Variants in FKBP5 observed in about 807,000 individuals in gnomAD.
FKBP5 encodes the protein peptidyl-prolyl cis-trans isomerase FKBP5.
In FKBP5, 23 loss-of-function variants were observed where a neutral mutation model predicts 50.5. The observed-to-expected ratio is 0.46, with a 90% CI of 0.33 to 0.65. The LOEUF (loss-of-function observed/expected upper bound fraction) is 0.65, where lower values mean the gene tolerates loss of function less well. Among genes scored for constraint, FKBP5 ranks in the 30% least tolerant of loss-of-function variants. FKBP5 has a pLI of 0.02. For synonymous variants in FKBP5, 176 were observed against 190.6 expected (o/e 0.92, Z 0.63); for missense variants, 411 against 553.1 (o/e 0.74, Z 2.58).
At chr6:35,716,324 G>A (rs1766511876) in intron 2 of FKBP5, among the ~76,000 whole-genome samples, 1 of 152,082 alleles carries the variant, frequency 6.6e-6, no homozygotes, top group Admixed American at 6.5e-5. Flanking sequence ...AGTGAGCTAC[G>A]ATTGTGCCAC....
upstream of FKBP5, among the ~76,000 whole-genome samples, chr6:35,692,804 A>G (rs1766013613): frequency 1.3e-5 from 2 of 151,316 alleles, no homozygotes; most frequent in Middle Eastern, 3.4e-3. Flanking sequence ...AAAAAAAAAA[A>G]AAAAGAAGAG....
intron 4 of FKBP5, among the ~76,000 whole-genome samples, chr6:35,619,622 T>C (rs1048971506): frequency 2.6e-5 from 4 of 152,212 alleles, no homozygotes; most frequent in Non-Finnish European, 5.9e-5. Flanking sequence ...CTACGACTGA[T>C]TAAAGGTGTA....
chr6:35,609,406 G>C (rs1763425560), intron 5 of FKBP5, among the ~76,000 whole-genome samples: 1 of 152,126 alleles, frequency 6.6e-6, no homozygotes, highest in African/African-American at 2.4e-5. Context: ...TTAGTGTAAT[G>C]AATAAGATTC....
At chr6:35,594,380 C>T (rs369153755) in intron 6 of FKBP5, among the ~76,000 whole-genome samples, 11 of 151,876 alleles carry the variant, frequency 7.2e-5, no homozygotes, top group Admixed American at 5.3e-4. Flanking sequence ...ACATTCTTCC[C>T]GAGAGTCTAT....
intron 1 of FKBP5, among the ~76,000 whole-genome samples, chr6:35,724,633 C>T (rs1238338435): frequency 1.3e-5 from 2 of 151,912 alleles, no homozygotes. Flanking sequence ...ATCCCAGCTA[C>T]TTGGGACGTT....
chr6:35,610,104 G>C (rs973607913), intron 5 of FKBP5, among the ~76,000 whole-genome samples: 1 of 152,076 alleles, frequency 6.6e-6, no homozygotes, highest in Non-Finnish European at 1.5e-5. Flanking sequence ...CAAAAGGATG[G>C]GCTGATTGCG....
intron 5 of FKBP5, among the ~76,000 whole-genome samples, chr6:35,604,728 A>T (rs2150968258): frequency 6.6e-6 from 1 of 151,496 alleles, no homozygotes; most frequent in South Asian, 2.1e-4. Flanking sequence ...ACTTTATCCC[A>T]TTCATATTTT....
chr6:35,575,681 G>A lies in FKBP5; in HGVS notation c.*154C>T, dbSNP rs943954270. 4.6e-6 allele frequency: 3 copies of A among 648,620 alleles called. No homozygotes were observed. The highest frequency in any genetic ancestry group is 2.5e-5 in the Admixed American group (1 of 39,678). The allele number at this position is 648,620 out of a possible 1,614,324, so 40.2% of individuals were successfully genotyped here. A position where few individuals can be genotyped will look rare whatever the true frequency, so the allele number is the denominator to read the frequency against. On this transcript the variant is annotated 3_prime_UTR_variant, in exon 11 of 11. Coordinates refer to ENST00000357266, the MANE Select transcript of FKBP5 (RefSeq NM_004117.4). ...GAACCCTCCGGGCAGCAGCAGGGGG[G>A]CTGTTTTTGGGAAGCTACTGGTTTT...
intron 1 of FKBP5, among the ~76,000 whole-genome samples, chr6:35,683,297 T>C (rs994512599): frequency 5.3e-5 from 8 of 151,630 alleles, no homozygotes; most frequent in African/African-American, 1.9e-4. Flanking sequence ...GGATCACAGA[T>C]ACAAGCTACC....
intron 2 of FKBP5, among the ~76,000 whole-genome samples, chr6:35,642,487 G>A (rs113065020): frequency 0.011 from 1,732 of 152,238 alleles, 16 homozygotes; most frequent in Non-Finnish European, 0.018. Context: ...AGGAAGCTGA[G>A]ATGGGAAGAT....
intron 1 of FKBP5, among the ~76,000 whole-genome samples, chr6:35,648,131 T>C (rs1253945407): frequency 2.6e-5 from 4 of 152,188 alleles, no homozygotes; most frequent in African/African-American, 9.6e-5. Context: ...GCCAGGGTAA[T>C]GGTGTTTTCA....
chr6:35,685,341 T>C (rs966223856), intron 1 of FKBP5, among the ~76,000 whole-genome samples: 161 of 152,334 alleles, frequency 1.1e-3, no homozygotes, highest in African/African-American at 3.6e-3. Flanking sequence ...TCAATAGTTA[T>C]GTGACATACA....
At chr6:35,653,567 C>T (rs1301004756) in intron 1 of FKBP5, among the ~76,000 whole-genome samples, 1 of 152,040 alleles carries the variant, frequency 6.6e-6, no homozygotes, top group East Asian at 1.9e-4. Flanking sequence ...TGAGTGTCAT[C>T]GCTTAGGAAT....
At chr6:35,633,907 T>C (rs1268902671) in intron 3 of FKBP5, among the ~76,000 whole-genome samples, 2 of 152,122 alleles carry the variant, frequency 1.3e-5, no homozygotes, top group Non-Finnish European at 2.9e-5. Context: ...GGCTGGAAGC[T>C]TTTTCCATGA....
At chr6:35,651,444 G>A (rs539059953) in intron 1 of FKBP5, among the ~76,000 whole-genome samples, 14 of 152,146 alleles carry the variant, frequency 9.2e-5, no homozygotes, top group Non-Finnish European at 1.9e-4. Context: ...GGGGTATGTT[G>A]AGCAAGGGGT....
chr6:35,608,736 CTCT>C (rs1763406246), intron 5 of FKBP5, among the ~76,000 whole-genome samples: 1 of 152,150 alleles, frequency 6.6e-6, no homozygotes, highest in Admixed American at 6.6e-5. Flanking sequence ...TTGCCTTCCC[CTCT>C]TCATTTCCTA....
chr6:35,676,418 T>G (rs953358266), intron 1 of FKBP5, among the ~76,000 whole-genome samples: 35 of 152,244 alleles, frequency 2.3e-4, no homozygotes, highest in African/African-American at 8.0e-4. Flanking sequence ...GACCTTAAGA[T>G]ACTACCTAAA....
At chr6:35,627,176 C>T (rs897114381) in intron 3 of FKBP5, among the ~76,000 whole-genome samples, 4 of 152,146 alleles carry the variant, frequency 2.6e-5, no homozygotes, top group African/African-American at 7.2e-5. Flanking sequence ...CCCATTCTAA[C>T]CGGTATGAGG....
At chr6:35,707,803 G>A (rs1423972832) in intron 2 of FKBP5, among the ~76,000 whole-genome samples, 2 of 152,148 alleles carry the variant, frequency 1.3e-5, no homozygotes, top group East Asian at 3.9e-4. Flanking sequence ...GAGAACATGC[G>A]GTATTTGGTT....
Sources: gnomAD v4.1 joint callset for allele counts (sites outside exome capture counted in the v4.1 genomes callset) on GRCh38, gnomAD v4.1.1 for gene constraint, MANE v1.5 for transcripts, NCBI Gene and HGNC (gene_info 2026-07-23, HGNC 2026-07-21) for gene names.